The following TRRAP variants were observed in gnomAD, a reference collection of about 807,000 sequenced individuals.
TRRAP encodes transformation/transcription domain-associated protein.
In TRRAP, 41 loss-of-function variants were observed where a neutral mutation model predicts 438.8. The observed-to-expected ratio is 0.09, with a 90% CI of 0.07 to 0.12. The LOEUF is 0.12. Among genes scored for constraint, TRRAP ranks in the 10% least tolerant of loss-of-function variants. The probability of loss-of-function intolerance (pLI) is 1.00; values close to 1 mark genes in which losing one functional copy is unlikely to be tolerated. For missense variants in TRRAP, 3,122 were observed against 5,055.1 expected (o/e 0.62, Z 11.60); for synonymous variants, 1,994 against 1,962.9 (o/e 1.02, Z -0.42).
At chr7:98,902,462 TTTA>T (rs1796512838) in intron 11 of TRRAP, among the ~76,000 whole-genome samples, 1 of 152,244 alleles carries the variant, frequency 6.6e-6, no homozygotes, top group Non-Finnish European at 1.5e-5. Context: ...TTGTATGGCT[TTTA>T]TTTCAGAAAA....
chr7:98,974,004 A>T (rs2237599), intron 53 of TRRAP, among the ~76,000 whole-genome samples: 1 of 152,060 alleles, frequency 6.6e-6, no homozygotes, highest in Non-Finnish European at 1.5e-5. Context: ...TCATTTCAGC[A>T]TCTTTTTACT....
intron 70 of TRRAP, among the ~76,000 whole-genome samples, chr7:99,010,288 G>C (rs1794372231): frequency 6.6e-6 from 1 of 152,180 alleles, no homozygotes; most frequent in South Asian, 2.1e-4. Context: ...GATTTTGATG[G>C]TTTTGCCAGC....
chr7:98,964,755 G>A lies in TRRAP; in HGVS notation c.6956G>A (p.Gly2319Glu). 1 of 1,613,104 alleles carries A rather than the reference G, an allele frequency of 6.2e-7. No homozygotes were observed. The highest frequency in any genetic ancestry group is 8.5e-7 in the Non-Finnish European group (1 of 1,179,650). The stretch of plus-strand genomic sequence containing the variant: ...CATTTAAACCCTCAGGCAGCGTCAG[G>A]AAGCACCGAAGCCACCTCAGGTGAT... Reference protein sequence around the residue: ...REHLNPQAASGSTEATSGTSE... With the variant: ...REHLNPQAASESTEATSGTSE... Residue 2319 changes from glycine (G) to glutamate (E), a missense_variant, in exon 48 of 73, where the codon GGA becomes GAA. By Grantham distance (98) the Gly-to-Glu change is moderately conservative. This residue lies in a region of TRRAP where 992 missense variants were observed against 1,281.2 expected (regional missense o/e 0.77). Transcript: ENST00000456197.
rs887190540 is a variant in TRRAP at position 98,967,539 on chromosome 7, C to T, written c.7353C>T (p.Leu2451=). The change falls in exon 51 of 73, where the codon CTC becomes CTT. Residue 2451 remains leucine (L), a synonymous_variant. Coordinates refer to ENST00000456197, the MANE Select transcript of TRRAP (RefSeq NM_001375524.1). Reference sequence around the variant, plus strand: ...CGGCGAAACTTGAGCCTGCCTTTCTCTCTGGGCTGCGCTGTGCCCAGCCAC... The same window carrying T: ...CGGCGAAACTTGAGCCTGCCTTTCTTTCTGGGCTGCGCTGTGCCCAGCCAC... ...ELTAKLEPAF[L]SGLRCAQPLI... is the part of the protein sequence containing the mutation. The T allele has an allele frequency of 6.2e-7, 1 of 1,614,092 alleles. No individual in the cohort carries two copies. The highest frequency in any genetic ancestry group is 8.5e-7 in the Non-Finnish European group (1 of 1,180,024).
chr7:98,963,552 G>T (rs1469801696), intron 47 of TRRAP, among the ~76,000 whole-genome samples: 2 of 152,176 alleles, frequency 1.3e-5, no homozygotes, highest in Non-Finnish European at 2.9e-5. Flanking sequence ...CCCCATGCCG[G>T]ATCTGGGGTG....
At chr7:99,010,653 T>C (rs1173520235) in intron 70 of TRRAP, among the ~76,000 whole-genome samples, 2 of 152,218 alleles carry the variant, frequency 1.3e-5, no homozygotes, top group Non-Finnish European at 2.9e-5. Flanking sequence ...TTGTGAAACA[T>C]CTGTCATTAG....
intron 23 of TRRAP, among the ~76,000 whole-genome samples, chr7:98,929,191 C>T (rs781954579): frequency 5.3e-5 from 8 of 152,044 alleles, no homozygotes; most frequent in African/African-American, 9.7e-5. Flanking sequence ...CCACCCGCCT[C>T]GGCCTCCCAA....
At chr7:98,880,522 A>T (rs781800310) in intron 1 of TRRAP, among the ~76,000 whole-genome samples, 7 of 152,106 alleles carry the variant, frequency 4.6e-5, no homozygotes, top group Admixed American at 6.6e-5. Flanking sequence ...TTCGCCTTCC[A>T]AAGTGCTGGG....
chr7:98,963,973 C>T (rs1792042839), intron 47 of TRRAP, among the ~76,000 whole-genome samples: 1 of 150,942 alleles, frequency 6.6e-6, no homozygotes, highest in African/African-American at 2.4e-5. Context: ...CCCACCTACT[C>T]GGGAGGCTGA....
At chr7:98,887,850 A>G (rs1457098419) in intron 3 of TRRAP, among the ~76,000 whole-genome samples, 1 of 150,888 alleles carries the variant, frequency 6.6e-6, no homozygotes, top group East Asian at 1.9e-4. Flanking sequence ...ACATTATGTT[A>G]TAGACAACTC....
At chr7:98,928,979 C>T (rs1276755378) in intron 23 of TRRAP, among the ~76,000 whole-genome samples, 2 of 150,956 alleles carry the variant, frequency 1.3e-5, no homozygotes, top group African/African-American at 2.4e-5. Flanking sequence ...GCTCTGTCGC[C>T]CAGGCTGGAG....
chr7:98,930,204 A>T lies in TRRAP; in HGVS notation c.3391A>T (p.Arg1131Trp), dbSNP rs1206215799. 1.2e-6 allele frequency: 2 copies of T among 1,613,924 alleles called. No homozygotes were observed. The highest frequency in any genetic ancestry group is 1.7e-6 in the Non-Finnish European group (2 of 1,179,936). ...AAGTATCATCCTGGGCTCCAAGGAGAGGGTAAGGAAGGGTTGAGGAGTGTC... is the reference window on the plus strand; with the variant it reads ...AAGTATCATCCTGGGCTCCAAGGAGTGGGTAAGGAAGGGTTGAGGAGTGTC... ...VASIILGSKE[R>W]ACQLPLFSYI... Residue 1131 changes from arginine (R) to tryptophan (W), a missense_variant and splice_region_variant, in exon 24 of 73, where the codon AGG (arginine) becomes TGG (tryptophan). This residue lies in a region of TRRAP where 153 missense variants were observed against 223.0 expected (regional missense o/e 0.69). Transcript: ENST00000456197.
At chr7:98,933,129 G>T in intron 26 of TRRAP, 112 bp from the exon 27 acceptor site, 1 of 1,375,600 alleles carries the variant, frequency 7.3e-7, no homozygotes, top group South Asian at 1.6e-5. Flanking sequence ...GTTCCCTAAT[G>T]AGAAGATATC....
At chr7:98,998,664 A>C (rs982009766) in intron 67 of TRRAP, 15 of 160,464 alleles carry the variant, frequency 9.3e-5, no homozygotes, top group Non-Finnish European at 2.1e-4. Context: ...ATGCCGACCC[A>C]ATAGAAATAG....
At chr7:98,936,772 G>C (rs1790575622) in intron 28 of TRRAP, among the ~76,000 whole-genome samples, 1 of 152,194 alleles carries the variant, frequency 6.6e-6, no homozygotes, top group Non-Finnish European at 1.5e-5. Flanking sequence ...CTCATCTGAA[G>C]ACGTAAGATT....
chr7:98,972,011 G>T lies in TRRAP; in HGVS notation c.7839+66G>T. 9 of 1,556,800 alleles carry T rather than the reference G, an allele frequency of 5.8e-6. No individual in the cohort carries two copies. The South Asian group carries it at 1.1e-4, about 19-fold the overall frequency. ...ATGGACAGTTCAAAGCCTAAATCAG[G>T]ATCATTCCACAGCAGTGTAACTTTT... On this transcript the variant is annotated intron_variant, in intron 53 of 72. Transcript: ENST00000456197.
intron 12 of TRRAP, 97 bp downstream of exon 12, chr7:98,903,614 A>G (rs1479059852): frequency 2.0e-6 from 3 of 1,531,790 alleles, no homozygotes; most frequent in Non-Finnish European, 2.7e-6. Context: ...TGAGGTTTCC[A>G]TGTATCCTTG....
intron 23 of TRRAP, among the ~76,000 whole-genome samples, chr7:98,928,832 GGC>G (rs1790180672): frequency 6.6e-6 from 1 of 151,916 alleles, no homozygotes; most frequent in African/African-American, 2.4e-5. Context: ...GGAGTGCAGT[GGC>G]GTGGTCATGG....
intron 21 of TRRAP, 61 bp from the exon 22 acceptor site, chr7:98,925,051 A>G: frequency 1.3e-6 from 2 of 1,549,752 alleles, no homozygotes; most frequent in Middle Eastern, 1.7e-4. Context: ...CTTTCAGTGA[A>G]AGCTTTTCAC....
Sources: allele counts gnomAD v4.1 joint callset (sites outside exome capture counted in the v4.1 genomes callset), GRCh38; gene constraint gnomAD v4.1.1; regional missense constraint gnomAD v4.1.1; transcripts MANE v1.5; gene names NCBI Gene and HGNC (gene_info 2026-07-23, HGNC 2026-07-21).